The following CORO2A variants were observed in gnomAD, a reference collection of about 807,000 sequenced individuals.
CORO2A encodes the protein coronin-2A.
In CORO2A, 47 loss-of-function variants were observed where a neutral mutation model predicts 62.4. The observed-to-expected ratio is 0.75, with a 90% CI of 0.60 to 0.96. The LOEUF (loss-of-function observed/expected upper bound fraction) is 0.96, where lower values mean the gene tolerates loss of function less well. Among genes scored for constraint, CORO2A ranks in the 40% least tolerant of loss-of-function variants. CORO2A has a pLI of 0.00. For synonymous variants in CORO2A, 273 were observed against 268.9 expected (o/e 1.02, Z -0.15); for missense variants, 610 against 684.1 (o/e 0.89, Z 1.21).
intron 1 of CORO2A, among the ~76,000 whole-genome samples, chr9:98,163,742 G>C (rs1260760079): frequency 1.2e-5 from 1 of 83,840 alleles, no homozygotes; most frequent in Non-Finnish European, 3.1e-5. Flanking sequence ...GTGTGTGTGT[G>C]AGAGAGAGAG....
intron 1 of CORO2A, among the ~76,000 whole-genome samples, chr9:98,170,731 C>T (rs988232170): frequency 2.6e-5 from 4 of 152,230 alleles, no homozygotes; most frequent in African/African-American, 7.2e-5. Context: ...GTGTGAGCCA[C>T]TGAGCCTGGC....
intron 1 of CORO2A, among the ~76,000 whole-genome samples, chr9:98,187,685 T>C (rs569991677): frequency 3.2e-4 from 48 of 152,264 alleles, no homozygotes; most frequent in Admixed American, 2.3e-3. Context: ...ATGAGGGCTC[T>C]GCCTTCCTGA....
chr9:98,184,441 A>G (rs16913615), intron 1 of CORO2A, among the ~76,000 whole-genome samples: 48,295 of 152,010 alleles, frequency 0.32, 8,657 homozygotes, highest in African/African-American at 0.5. Flanking sequence ...TCTGCATGCT[A>G]GGGAAAGATT....
intron 2 of CORO2A, among the ~76,000 whole-genome samples, chr9:98,148,317 C>T (rs1827671474): frequency 6.6e-6 from 1 of 150,498 alleles, no homozygotes; most frequent in African/African-American, 2.4e-5. Context: ...GTTGCTTGAA[C>T]CCAGGAGGCG....
intron 2 of CORO2A, among the ~76,000 whole-genome samples, chr9:98,141,658 A>G (rs1200458592): frequency 3.3e-5 from 5 of 152,102 alleles, no homozygotes; most frequent in African/African-American, 9.7e-5. Context: ...CCAGCTGCCA[A>G]TGACCTCTTG....
intron 1 of CORO2A, among the ~76,000 whole-genome samples, chr9:98,180,991 C>T (rs1413911358): frequency 1.3e-5 from 2 of 152,254 alleles, no homozygotes; most frequent in Non-Finnish European, 2.9e-5. Flanking sequence ...GGGACATCAG[C>T]TCACTCTTAT....
chr9:98,140,005 A>G (rs1449704483), intron 2 of CORO2A, among the ~76,000 whole-genome samples: 2 of 151,990 alleles, frequency 1.3e-5, no homozygotes, highest in Admixed American at 6.6e-5. Flanking sequence ...TCATAGAGAA[A>G]CCACACCAGT....
Position 98,157,675 on chromosome 9 carries a change from T to A in CORO2A, c.1-15A>T, listed in dbSNP as rs376561288. 5.4e-5 allele frequency: 87 copies of A among 1,607,252 alleles called. No individual in the cohort carries two copies. The highest frequency in any genetic ancestry group is 7.3e-5 in the Non-Finnish European group (86 of 1,176,256). On this transcript the variant is annotated splice_polypyrimidine_tract_variant and intron_variant, in intron 1 of 11. Coordinates refer to ENST00000375077, the MANE Select transcript of CORO2A (RefSeq NM_052820.4). ...TGCCATGACATCTGCAGGAGACAAA[T>A]GGGACAAAGGGTATGAGGCTCACTG...
chr9:98,156,156 CA>C (rs1827800711), intron 2 of CORO2A, among the ~76,000 whole-genome samples: 1 of 150,850 alleles, frequency 6.6e-6, no homozygotes, highest in Admixed American at 6.7e-5. Context: ...AATCTGACCT[CA>C]GCCTCCTAAG....
At chr9:98,132,347 G>C (rs750543089) in intron 5 of CORO2A, 46 bp from the exon 6 acceptor site, 5 of 1,512,060 alleles carry the variant, frequency 3.3e-6, no homozygotes, top group Non-Finnish European at 4.6e-6. Context: ...GTAGAGGATC[G>C]GGGGCAGCTG....
chr9:98,183,147 G>A (rs1332759991), intron 1 of CORO2A, among the ~76,000 whole-genome samples: 1 of 150,650 alleles, frequency 6.6e-6, no homozygotes, highest in African/African-American at 2.4e-5. Flanking sequence ...TGTCTCAGCT[G>A]TCCTAGTCTT....
chr9:98,134,709 T>A, intron 4 of CORO2A, 97 bp downstream of exon 4: 1 of 1,387,304 alleles, frequency 7.2e-7, no homozygotes, highest in Non-Finnish European at 9.6e-7. Flanking sequence ...GATTTTCGAT[T>A]TCTGGTCTCC....
chr9:98,156,401 G>C (rs2118873253), intron 2 of CORO2A, among the ~76,000 whole-genome samples: 1 of 151,946 alleles, frequency 6.6e-6, no homozygotes, highest in African/African-American at 2.4e-5. Flanking sequence ...TCTAATATAA[G>C]CATTAGTGCT....
chr9:98,143,245 C>T lies in CORO2A; in HGVS notation c.202-5557G>A, dbSNP rs1827598409. On this transcript the variant is annotated intron_variant, in intron 2 of 11. Transcript: ENST00000375077. Reference sequence around the variant, plus strand: ...ACAGAAGGACCCAGGAGGAGTCAGGCGGGTGGGGGACCAGACTGGGGACTC... The same window carrying T: ...ACAGAAGGACCCAGGAGGAGTCAGGTGGGTGGGGGACCAGACTGGGGACTC... Among the ~76,000 whole-genome samples, 3 of 152,218 alleles carry T rather than the reference C, an allele frequency of 2.0e-5. No homozygotes were observed. The South Asian group carries it at 6.2e-4, about 32-fold the overall frequency.
At chr9:98,177,650 A>T (rs1828126135) in intron 1 of CORO2A, among the ~76,000 whole-genome samples, 1 of 150,968 alleles carries the variant, frequency 6.6e-6, no homozygotes. Context: ...TGTATTTTTA[A>T]TAGTGATGGG....
intron 1 of CORO2A, among the ~76,000 whole-genome samples, chr9:98,160,210 C>T (rs559807781): frequency 6.6e-6 from 1 of 152,202 alleles, no homozygotes; most frequent in African/African-American, 2.4e-5. Flanking sequence ...TAATTAATGC[C>T]CATGTGATTC....
At chr9:98,163,611 CATGTT>C (rs1428997453) in intron 1 of CORO2A, among the ~76,000 whole-genome samples, 13 of 152,202 alleles carry the variant, frequency 8.5e-5, no homozygotes, top group African/African-American at 3.1e-4. Flanking sequence ...AGACTGAAGT[CATGTT>C]ATGATGAGCA....
chr9:98,125,443 TA>T (rs1827303168), intron 11 of CORO2A, among the ~76,000 whole-genome samples: 1 of 152,162 alleles, frequency 6.6e-6, no homozygotes, highest in Admixed American at 6.5e-5. Context: ...TCTAAGACCC[TA>T]AATTAGTACT....
At chr9:98,142,280 G>T (rs1206350824) in intron 2 of CORO2A, among the ~76,000 whole-genome samples, 1 of 152,228 alleles carries the variant, frequency 6.6e-6, no homozygotes, top group Non-Finnish European at 1.5e-5. Flanking sequence ...CATGGAGTAG[G>T]GACTTGCCCA....
Sources: gnomAD v4.1 joint callset for allele counts (sites outside exome capture counted in the v4.1 genomes callset) on GRCh38, gnomAD v4.1.1 for gene constraint, MANE v1.5 for transcripts, NCBI Gene and HGNC (gene_info 2026-07-23, HGNC 2026-07-21) for gene names.